Variants in AFG1L observed in about 807,000 individuals in gnomAD.
The protein encoded by AFG1L is AFG1 like ATPase.
In AFG1L, 53 loss-of-function variants were observed where a neutral mutation model predicts 62.2. The ratio of observed to expected loss-of-function variants is 0.85; its 90% CI spans 0.68 to 1.07. The LOEUF is 1.07. Ranked by LOEUF, AFG1L falls within the 50% of genes least tolerant of loss-of-function variation. AFG1L has a pLI of 0.00. For synonymous variants in AFG1L, 228 were observed against 210.3 expected (o/e 1.08, Z -0.73); for missense variants, 555 against 590.5 (o/e 0.94, Z 0.62).
In AFG1L at chr6:108,447,216, A is replaced by G. The variant is rs912403033; in HGVS notation, c.810A>G (p.Glu270=). Residue 270 remains glutamate (E), a splice_region_variant and synonymous_variant, in exon 8 of 13, where the codon GAA becomes GAG. Transcript: ENST00000368977. ...NFVPFIAVLK[E]YCNTVQLDSG... ...CACTTCATTTGTTTGGATTGTAGGA[A>G]TATTGTAATACAGTCCAGCTAGATT... is the stretch of plus-strand genomic sequence containing the variant. 7 of 1,568,570 alleles carry G rather than the reference A, an allele frequency of 4.5e-6. No individual in the cohort carries two copies. The highest frequency in any genetic ancestry group is 6.1e-6 in the Non-Finnish European group (7 of 1,142,350).
At chr6:108,371,667 A>T (rs1159362123) in intron 6 of AFG1L, among the ~76,000 whole-genome samples, 1 of 151,848 alleles carries the variant, frequency 6.6e-6, no homozygotes, top group Non-Finnish European at 1.5e-5. Context: ...GCCTGGCATG[A>T]TTACTATTTT....
intron 11 of AFG1L, among the ~76,000 whole-genome samples, chr6:108,519,294 C>T (rs549522983): frequency 1.6e-4 from 25 of 152,304 alleles, no homozygotes; most frequent in Admixed American, 1.4e-3. Context: ...AGAGGCCACA[C>T]CTCTTAATCC....
At chr6:108,414,587 T>C (rs1782273701) in intron 7 of AFG1L, among the ~76,000 whole-genome samples, 1 of 152,190 alleles carries the variant, frequency 6.6e-6, no homozygotes, top group Non-Finnish European at 1.5e-5. Context: ...TCAAGTTGGC[T>C]TCTTCCCTGG....
chr6:108,380,085 G>A (rs537455909), intron 6 of AFG1L, among the ~76,000 whole-genome samples: 62 of 151,470 alleles, frequency 4.1e-4, no homozygotes, highest in African/African-American at 1.2e-3. Context: ...CTGCTGGAAC[G>A]TGCACGCAGG....
chr6:108,381,245 T>C (rs1305160809), intron 6 of AFG1L, among the ~76,000 whole-genome samples: 1 of 152,248 alleles, frequency 6.6e-6, no homozygotes, highest in African/African-American at 2.4e-5. Flanking sequence ...AGAGTTCGTA[T>C]TTAATTTCTT....
chr6:108,323,394 C>T (rs1777893446), intron 1 of AFG1L, among the ~76,000 whole-genome samples: 1 of 151,720 alleles, frequency 6.6e-6, no homozygotes, highest in South Asian at 2.1e-4. Flanking sequence ...GACCGAGTGT[C>T]ACTCTGTCAC....
intron 2 of AFG1L, among the ~76,000 whole-genome samples, chr6:108,345,590 G>C (rs1351665149): frequency 5.9e-5 from 9 of 151,992 alleles, no homozygotes; most frequent in Non-Finnish European, 8.8e-5. Context: ...GACCACCTTG[G>C]CCTCCCAAAG....
At chr6:108,331,038 G>C (rs575086955) in intron 2 of AFG1L, among the ~76,000 whole-genome samples, 2 of 152,038 alleles carry the variant, frequency 1.3e-5, no homozygotes, top group South Asian at 2.1e-4. Flanking sequence ...CTGTAATTCC[G>C]GCATTTTGAG....
intron 1 of AFG1L, among the ~76,000 whole-genome samples, chr6:108,295,569 C>CG: frequency 6.6e-6 from 1 of 152,104 alleles, no homozygotes; most frequent in South Asian, 2.1e-4. Context: ...TCCAAGCTCT[C>CG]GGGGCTGGTG....
chr6:108,393,603 G>A (rs1781154923), intron 6 of AFG1L, among the ~76,000 whole-genome samples: 1 of 152,008 alleles, frequency 6.6e-6, no homozygotes, highest in African/African-American at 2.4e-5. Context: ...TTACAAGTGG[G>A]TCTTTACATC....
chr6:108,357,466 G>A (rs1276968994), intron 5 of AFG1L, among the ~76,000 whole-genome samples: 2 of 152,174 alleles, frequency 1.3e-5, no homozygotes, highest in Non-Finnish European at 2.9e-5. Context: ...GGCTTGCAAA[G>A]CCTAAAATAT....
intron 8 of AFG1L, among the ~76,000 whole-genome samples, chr6:108,451,531 G>C (rs970680819): frequency 6.6e-6 from 1 of 152,090 alleles, no homozygotes; most frequent in African/African-American, 2.4e-5. Flanking sequence ...TTTTGGCCCT[G>C]TAACAACCTC....
At chr6:108,449,063 G>A (rs949228386) in intron 8 of AFG1L, among the ~76,000 whole-genome samples, 6 of 151,648 alleles carry the variant, frequency 4.0e-5, no homozygotes, top group African/African-American at 1.5e-4. Context: ...TGGGAGGATC[G>A]CTTGAGCCTA....
At chr6:108,379,977 G>A (rs1780426493) in intron 6 of AFG1L, among the ~76,000 whole-genome samples, 1 of 151,260 alleles carries the variant, frequency 6.6e-6, no homozygotes, top group Admixed American at 6.6e-5. Context: ...CGATCCAGGT[G>A]AGTGATGCTC....
chr6:108,393,377 A>AT (rs1312127012), intron 6 of AFG1L, among the ~76,000 whole-genome samples: 1 of 152,162 alleles, frequency 6.6e-6, no homozygotes, highest in East Asian at 1.9e-4. Context: ...CTTGTGTTCT[A>AT]TAAAAACCTA....
intron 7 of AFG1L, among the ~76,000 whole-genome samples, chr6:108,411,387 C>T (rs973991954): frequency 2.6e-5 from 4 of 152,168 alleles, no homozygotes; most frequent in African/African-American, 9.6e-5. Context: ...TTAAAAGTCC[C>T]TGTCTGACAG....
At chr6:108,472,659 T>C (rs1378117116) in intron 8 of AFG1L, among the ~76,000 whole-genome samples, 3 of 151,864 alleles carry the variant, frequency 2.0e-5, no homozygotes, top group Non-Finnish European at 4.4e-5. Context: ...ATTTTACATA[T>C]GCTGCTTGTT....
chr6:108,500,171 C>CGTGCGTGTGTGT (rs1247963141), intron 10 of AFG1L, among the ~76,000 whole-genome samples: 8 of 135,070 alleles, frequency 5.9e-5, no homozygotes, highest in South Asian at 2.5e-4. Flanking sequence ...ATGGTGCGTG[C>CGTGCGTGTGTGT]GTGTGTGTGT....
rs77036451 is a variant in AFG1L, at chr6:108,483,494, C to T, written c.1062+6202C>T. 1.9e-4 allele frequency among the ~76,000 whole-genome samples: 29 copies of T among 152,116 alleles called. 1 individual carries two copies. In the East Asian group the frequency reaches 2.3e-3, roughly 12 times the overall value. On this transcript the variant is annotated intron_variant, in intron 10 of 12. Transcript: ENST00000368977. Reference sequence around the variant, plus strand: ...TGGACCAAAAATGAAAGAATCCTACCGAAAGAAAATAAGCCAAAGCTAAAT... The same window carrying T: ...TGGACCAAAAATGAAAGAATCCTACTGAAAGAAAATAAGCCAAAGCTAAAT...
Sources: gnomAD v4.1 joint callset for allele counts (sites outside exome capture counted in the v4.1 genomes callset) on GRCh38, gnomAD v4.1.1 for gene constraint, MANE v1.5 for transcripts, NCBI Gene and HGNC (gene_info 2026-07-23, HGNC 2026-07-21) for gene names.